The following ATP10A variants were observed in gnomAD, a reference collection of about 807,000 sequenced individuals.
The protein encoded by ATP10A is phospholipid-transporting ATPase VA.
A neutral mutation model predicts 147.8 loss-of-function variants in ATP10A; 111 were observed. The ratio of observed to expected loss-of-function variants is 0.75; its 90% CI spans 0.64 to 0.88. ATP10A has a LOEUF of 0.88. ATP10A is among the 40% of genes least tolerant of loss of function. The pLI is 0.00. For missense variants in ATP10A, 1,927 were observed against 1,959.0 expected (o/e 0.98, Z 0.31); for synonymous variants, 875 against 841.6 (o/e 1.04, Z -0.69).
intron 5 of ATP10A, among the ~76,000 whole-genome samples, chr15:25,724,275 G>A (rs1902417553): frequency 6.6e-6 from 1 of 152,148 alleles, no homozygotes; most frequent in East Asian, 1.9e-4. Flanking sequence ...GGCACCACTT[G>A]TCCCAACACA....
intron 1 of ATP10A, among the ~76,000 whole-genome samples, chr15:25,799,160 CA>C (rs1328073937): frequency 6.6e-6 from 1 of 152,104 alleles, no homozygotes; most frequent in Non-Finnish European, 1.5e-5. Flanking sequence ...GTTTTTCTTT[CA>C]AAAAACAATG....
At chr15:25,757,150 A>G (rs1399755364) in intron 2 of ATP10A, among the ~76,000 whole-genome samples, 1 of 152,216 alleles carries the variant, frequency 6.6e-6, no homozygotes, top group Non-Finnish European at 1.5e-5. Context: ...ATCATTAACA[A>G]TAAGTAAAAA....
chr15:25,774,043 T>TA (rs1348499146), intron 2 of ATP10A, among the ~76,000 whole-genome samples: 9 of 152,092 alleles, frequency 5.9e-5, no homozygotes, highest in South Asian at 2.1e-4. Flanking sequence ...ATTCCCGTTT[T>TA]TTTTTTTAAA....
At chr15:25,673,797 T>C (rs1899086960), downstream of ATP10A, among the ~76,000 whole-genome samples, 1 of 152,042 alleles carries the variant, frequency 6.6e-6, no homozygotes, top group South Asian at 2.1e-4. Flanking sequence ...TCTCTGGGAG[T>C]CTTTGGTGAA....
chr15:25,717,009 T>A, intron 8 of ATP10A, 85 bp from the exon 9 acceptor site: 1 of 1,138,538 alleles, frequency 8.8e-7, no homozygotes, highest in South Asian at 1.8e-5. Flanking sequence ...TACTTTGATT[T>A]TATTATAAGC....
chr15:25,750,498 C>G (rs1470627451), intron 2 of ATP10A, among the ~76,000 whole-genome samples: 1 of 152,060 alleles, frequency 6.6e-6, no homozygotes, highest in African/African-American at 2.4e-5. Context: ...AAATTTGGAT[C>G]TACACAAAAG....
chr15:25,679,999 A>G, intron 20 of ATP10A, 25 bp from the exon 21 acceptor site: 1 of 1,587,462 alleles, frequency 6.3e-7, no homozygotes, highest in Non-Finnish European at 8.6e-7. Flanking sequence ...TTAAAACAAA[A>G]AGTTAGATAT....
intron 12 of ATP10A, among the ~76,000 whole-genome samples, chr15:25,705,467 C>CAAAAAAAAAACAACA (rs11428171): frequency 7.8e-6 from 1 of 127,950 alleles, no homozygotes; most frequent in African/African-American, 2.8e-5. Context: ...AAAAAAAAAA[C>CAAAAAAAAAACAACA]AAAAAAAATC....
chr15:25,815,163 G>A (rs1427599970), intron 1 of ATP10A, among the ~76,000 whole-genome samples: 1 of 152,054 alleles, frequency 6.6e-6, no homozygotes, highest in Non-Finnish European at 1.5e-5. Flanking sequence ...CATGAAACCC[G>A]ACTACTATTC....
chr15:25,818,887 C>A (rs1891771392), intron 1 of ATP10A, among the ~76,000 whole-genome samples: 1 of 152,076 alleles, frequency 6.6e-6, no homozygotes, highest in Non-Finnish European at 1.5e-5. Context: ...TTGCTACATG[C>A]AGAAGAATGA....
intron 12 of ATP10A, among the ~76,000 whole-genome samples, chr15:25,704,913 G>A (rs77861238): frequency 0.042 from 6,442 of 152,254 alleles, 179 homozygotes; most frequent in East Asian, 0.15. Context: ...AGAGCCCAGC[G>A]TCACTGTGCT....
At chr15:25,844,251 G>A (rs1252208995) in intron 1 of ATP10A, among the ~76,000 whole-genome samples, 3 of 152,112 alleles carry the variant, frequency 2.0e-5, no homozygotes, top group Non-Finnish European at 4.4e-5. Context: ...CAGTAGAAGG[G>A]ACCCTGAGGG....
intron 2 of ATP10A, among the ~76,000 whole-genome samples, chr15:25,750,336 C>T (rs1888078789): frequency 6.6e-6 from 1 of 151,724 alleles, no homozygotes; most frequent in African/African-American, 2.4e-5. Context: ...ATTCTATACC[C>T]AGTAAAGATA....
intron 2 of ATP10A, among the ~76,000 whole-genome samples, chr15:25,780,127 A>T (rs2044311): frequency 0.22 from 33,600 of 152,258 alleles, 3,952 homozygotes; most frequent in Middle Eastern, 0.32. Context: ...GCTGAGGTCC[A>T]CAGACAGCAG....
intron 2 of ATP10A, among the ~76,000 whole-genome samples, chr15:25,761,658 C>G (rs1045743656): frequency 6.6e-6 from 1 of 152,382 alleles, no homozygotes; most frequent in Admixed American, 6.5e-5. Flanking sequence ...GATTTAATGA[C>G]TGCCCTATGG....
At chr15:25,696,676 C>G (rs1900358099) in intron 13 of ATP10A, among the ~76,000 whole-genome samples, 1 of 152,228 alleles carries the variant, frequency 6.6e-6, no homozygotes, top group Admixed American at 6.5e-5. Flanking sequence ...CCCAAGGCAC[C>G]AGGGAACCTG....
intron 1 of ATP10A, among the ~76,000 whole-genome samples, chr15:25,843,514 C>A (rs970367008): frequency 6.6e-6 from 1 of 152,100 alleles, no homozygotes; most frequent in Non-Finnish European, 1.5e-5. Flanking sequence ...AGAGTTACTC[C>A]TCTCTGTGCA....
At chr15:25,862,114 G>C (rs1444818719) in intron 1 of ATP10A, 3 of 359,278 alleles carry the variant, frequency 8.4e-6, no homozygotes, top group African/African-American at 6.4e-5. Context: ...GATGGACACT[G>C]CTGTTATTTC....
chr15:25,760,030 G>A (rs754276813), intron 2 of ATP10A, among the ~76,000 whole-genome samples: 2 of 151,132 alleles, frequency 1.3e-5, no homozygotes, highest in Non-Finnish European at 2.9e-5. Context: ...GCAGTGGCGC[G>A]ATCTCGGCTC....
Sources: allele counts gnomAD v4.1 joint callset (sites outside exome capture counted in the v4.1 genomes callset), GRCh38; gene constraint gnomAD v4.1.1; transcripts MANE v1.5; gene names NCBI Gene and HGNC (gene_info 2026-07-23, HGNC 2026-07-21).